Variants in XRN1 observed in about 807,000 individuals in gnomAD.
The protein encoded by XRN1 is strand-exchange protein 1 homolog.
A neutral mutation model predicts 222.3 loss-of-function variants in XRN1; 67 were observed. The observed-to-expected ratio is 0.30, with a 90% CI of 0.25 to 0.37. XRN1 has a LOEUF of 0.37. XRN1 is among the 10% of genes least tolerant of loss of function. The probability of loss-of-function intolerance (pLI) is 1.00; values close to 1 mark genes in which losing one functional copy is unlikely to be tolerated. For missense variants in XRN1, 1,707 were observed against 2,000.2 expected, an observed-to-expected ratio of 0.85 and a Z score of 2.80; for synonymous variants, 643 against 652.4, an observed-to-expected ratio of 0.99 and a Z score of 0.22.
chr3:142,384,402 G>T, intron 21 of XRN1, 121 bp downstream of exon 21: 11 of 620,460 alleles, frequency 1.8e-5, no homozygotes, highest in East Asian at 3.7e-5. Flanking sequence ...TATATTAAAT[G>T]ATAATCTCTA....
intron 5 of XRN1, among the ~76,000 whole-genome samples, chr3:142,424,196 C>A (rs574758048): frequency 4.6e-5 from 7 of 152,220 alleles, no homozygotes; most frequent in Middle Eastern, 6.8e-3. Context: ...CAGGTTCAAG[C>A]AATTCTCCCT....
intron 11 of XRN1, 102 bp downstream of exon 11, chr3:142,418,713 T>C (rs975416137): frequency 6.9e-7 from 1 of 1,456,546 alleles, no homozygotes; most frequent in South Asian, 1.2e-5. Context: ...TTATATGCTA[T>C]CACAGAAATC....
At chr3:142,323,331 G>A (rs2065416175) in intron 37 of XRN1, among the ~76,000 whole-genome samples, 2 of 147,434 alleles carry the variant, frequency 1.4e-5, no homozygotes, top group Non-Finnish European at 3.0e-5. Context: ...TCTGTCATGC[G>A]CCACCATACC....
Position 142,383,796 on chromosome 3 carries a change from G to A in XRN1, c.2503-383C>T, listed in dbSNP as rs115270256. Among the ~76,000 whole-genome samples the A allele has an allele frequency of 9.4e-3, 1,436 of 152,114 alleles. 22 individuals carry two copies. The highest frequency in any genetic ancestry group is 0.033 in the African/African-American group (1,359 of 41,502). On this transcript the variant is annotated intron_variant, in intron 21 of 40. Transcript: ENST00000392981. ...TGTACTATAACACCCCAAATTACAG[G>A]ATCGCTACATACTTAAAAAAATTTT...
At chr3:142,436,139 A>C (rs1577447698) in intron 1 of XRN1, 1 of 152,142 alleles carries the variant, frequency 6.6e-6, no homozygotes. Context: ...CAAAAAAGTC[A>C]TAAGTCTAAT....
rs575316032 is a variant in XRN1 at position 142,447,643 on chromosome 3, A to C, written c.75+227T>G. Among the ~76,000 whole-genome samples the C allele has an allele frequency of 6.6e-6, 1 of 152,346 alleles. No individual in the cohort carries two copies. Among genetic ancestry groups the C allele is most frequent in the African/African-American group, 2.4e-5 (1 of 41,600 alleles). ...AGGACCAGCAGAAGCAAGAGCTGTCAGAGAAGCCGTGAACCCAGCGGCTCT... is the reference window on the plus strand; with the variant it reads ...AGGACCAGCAGAAGCAAGAGCTGTCCGAGAAGCCGTGAACCCAGCGGCTCT... On this transcript the variant is annotated intron_variant, in intron 1 of 40. Coordinates refer to ENST00000392981, the MANE Select transcript of XRN1 (RefSeq NM_001282857.2). The surrounding 1 kb of genome is among the most constrained non-coding windows in gnomAD (Gnocchi z 4.2).
chr3:142,405,214 G>C (rs2068297934), intron 15 of XRN1, 138 bp from the exon 16 acceptor site: 1 of 727,174 alleles, frequency 1.4e-6, no homozygotes. Flanking sequence ...CTTAACTAAT[G>C]AAACTCTTCC....
At chr3:142,431,310 G>T (rs1382760574) in intron 2 of XRN1, among the ~76,000 whole-genome samples, 1 of 152,130 alleles carries the variant, frequency 6.6e-6, no homozygotes, top group African/African-American at 2.4e-5. Context: ...ACTGTAGCTT[G>T]GGAACTAACA....
chr3:142,410,971 T>C lies in XRN1; in HGVS notation c.1713+1573A>G, dbSNP rs535079069. ...GAAAGTTTGTGTAAGATTGGCATTA[T>C]TTCTTAAATGTTTGCTAGAATTCAC... On this transcript the variant is annotated intron_variant, in intron 15 of 40. Coordinates refer to ENST00000392981, the MANE Select transcript of XRN1 (RefSeq NM_001282857.2). Among the ~76,000 whole-genome samples, 21 of 152,342 alleles carry C rather than the reference T, an allele frequency of 1.4e-4. No homozygotes were observed. In the South Asian group the frequency reaches 2.9e-3, roughly 21 times the overall value.
rs1240360058 is a variant in XRN1 at position 142,313,139 on chromosome 3, C to T, written c.4622-381G>A. 10 of 1,611,910 alleles carry T rather than the reference C, an allele frequency of 6.2e-6. No homozygotes were observed. Among genetic ancestry groups the T allele is most frequent in the Non-Finnish European group, 8.5e-6 (10 of 1,179,428 alleles). On this transcript the variant is annotated intron_variant, in intron 39 of 40. Coordinates refer to ENST00000392981, the MANE Select transcript of XRN1 (RefSeq NM_001282857.2). ...AGAGAAATCTTAAGGATCTCACCTG[C>T]CCCCAATGCATAGTTGCTTCCATAG...
At chr3:142,318,027 T>C (rs571984028) in intron 39 of XRN1, among the ~76,000 whole-genome samples, 1 of 152,320 alleles carries the variant, frequency 6.6e-6, no homozygotes, top group African/African-American at 2.4e-5. Flanking sequence ...ATCAGTATTA[T>C]TCACCTTTCT....
At chr3:142,400,422 T>G in intron 19 of XRN1, 22 bp downstream of exon 19, 1 of 1,561,226 alleles carries the variant, frequency 6.4e-7, no homozygotes. Flanking sequence ...GTTAGAAAAA[T>G]TATAAATCAA....
intron 24 of XRN1, 30 bp from the exon 25 acceptor site, chr3:142,375,974 G>GCGCACACA: frequency 6.9e-7 from 1 of 1,447,368 alleles, no homozygotes. Flanking sequence ...GCGCACACGT[G>GCGCACACA]CACACACACA....
chr3:142,326,927 T>C (rs1243423811), intron 37 of XRN1, among the ~76,000 whole-genome samples: 10 of 152,210 alleles, frequency 6.6e-5, no homozygotes, highest in African/African-American at 2.4e-4. Context: ...AGTTATTGAC[T>C]GCATATATTT....
intron 25 of XRN1, among the ~76,000 whole-genome samples, chr3:142,372,761 G>A (rs1360086013): frequency 6.6e-6 from 1 of 152,314 alleles, no homozygotes; most frequent in African/African-American, 2.4e-5. Flanking sequence ...ACTTGGTAAT[G>A]AAACCTTCTT....
At chr3:142,386,443 C>A (rs927009367) in intron 20 of XRN1, among the ~76,000 whole-genome samples, 1 of 151,798 alleles carries the variant, frequency 6.6e-6, no homozygotes, top group African/African-American at 2.4e-5. Flanking sequence ...TTGACAGCTG[C>A]GGAAAAAACA....
chr3:142,421,827 T>C (rs1269765746), intron 8 of XRN1, among the ~76,000 whole-genome samples: 1 of 152,212 alleles, frequency 6.6e-6, no homozygotes, highest in African/African-American at 2.4e-5. Context: ...ATAATCTATC[T>C]AGATCATTTA....
At position 142,409,046 on chromosome 3, in the gene XRN1, G is replaced by C. The variant is rs568550972; in HGVS notation, c.1713+3498C>G. ...TTTGCCATTTAAAAAATTGGGTTGTGTCTTTAACTTGAGTTGGAGGAGCTG... is the reference window on the plus strand; with the variant it reads ...TTTGCCATTTAAAAAATTGGGTTGTCTCTTTAACTTGAGTTGGAGGAGCTG... On this transcript the variant is annotated intron_variant, in intron 15 of 40. Transcript: ENST00000392981. 5.9e-5 allele frequency among the ~76,000 whole-genome samples: 9 copies of C among 152,270 alleles called. No individual in the cohort carries two copies. In the South Asian group the frequency reaches 1.9e-3, roughly 32 times the overall value.
At chr3:142,339,223 G>T (rs763658041) in intron 33 of XRN1, among the ~76,000 whole-genome samples, 6 of 152,202 alleles carry the variant, frequency 3.9e-5, no homozygotes, top group Non-Finnish European at 8.8e-5. Context: ...CCAAGCCCAG[G>T]TGGCTCAGAA....
Sources: allele counts gnomAD v4.1 joint callset (sites outside exome capture counted in the v4.1 genomes callset), GRCh38; gene constraint gnomAD v4.1.1; non-coding constraint Gnocchi (gnomAD v3.1); transcripts MANE v1.5; gene names NCBI Gene and HGNC (gene_info 2026-07-23, HGNC 2026-07-21).